KCNH8: variants seen among roughly 807,000 people sequenced by gnomAD.
KCNH8 encodes voltage-gated delayed rectifier potassium channel KCNH8.
Under a neutral mutation model 103.6 loss-of-function variants are expected in KCNH8, and 70 were observed. The ratio of observed to expected loss-of-function variants is 0.68; its 90% CI spans 0.56 to 0.82. The LOEUF (loss-of-function observed/expected upper bound fraction) is 0.82, where lower values mean the gene tolerates loss of function less well. Ranked by LOEUF, KCNH8 falls within the 40% of genes least tolerant of loss-of-function variation. KCNH8 has a pLI of 0.00. For missense variants in KCNH8, 1,217 were observed against 1,329.9 expected (o/e 0.92, Z 1.32); for synonymous variants, 498 against 489.4 (o/e 1.02, Z -0.23).
chr3:19,509,438 A>G (rs1161208990), intron 11 of KCNH8, among the ~76,000 whole-genome samples: 1 of 152,188 alleles, frequency 6.6e-6, no homozygotes, highest in East Asian at 1.9e-4. Flanking sequence ...AAAATGAAAG[A>G]AGTGTATTTG....
chr3:19,305,741 T>C (rs1431118728), intron 3 of KCNH8, among the ~76,000 whole-genome samples: 1 of 152,076 alleles, frequency 6.6e-6, no homozygotes, highest in African/African-American at 2.4e-5. Context: ...CAAAAACTTG[T>C]ATAGAAAACA....
At chr3:19,318,657 GTGTGTA>G (rs1381761558) in intron 3 of KCNH8, among the ~76,000 whole-genome samples, 1 of 96,520 alleles carries the variant, frequency 1.0e-5, no homozygotes, top group African/African-American at 4.4e-5. Flanking sequence ...GTGTGTGTGT[GTGTGTA>G]CACACACACA....
At chr3:19,400,583 G>A (rs757927283) in intron 7 of KCNH8, among the ~76,000 whole-genome samples, 9 of 151,944 alleles carry the variant, frequency 5.9e-5, no homozygotes, top group Non-Finnish European at 8.8e-5. Context: ...TGGAGCAAGC[G>A]TATCCATTGC....
intron 1 of KCNH8, among the ~76,000 whole-genome samples, chr3:19,164,556 G>C (rs897770021): frequency 1.3e-5 from 2 of 152,120 alleles, no homozygotes; most frequent in Non-Finnish European, 2.9e-5. Context: ...TAGTGAAGCT[G>C]GAATCTATAC....
chr3:19,176,342 A>C (rs889057039), intron 1 of KCNH8, among the ~76,000 whole-genome samples: 9 of 152,166 alleles, frequency 5.9e-5, no homozygotes, highest in Non-Finnish European at 1.3e-4. Context: ...ATATTCAGCT[A>C]AACAGTATGA....
At chr3:19,244,857 T>C (rs114812355) in intron 1 of KCNH8, among the ~76,000 whole-genome samples, 2,853 of 152,278 alleles carry the variant, frequency 0.019, 77 homozygotes, top group Non-Finnish European at 0.021. Context: ...ACATAGATTC[T>C]AGATATTAGA....
chr3:19,298,206 A>G (rs1313200833), intron 3 of KCNH8, among the ~76,000 whole-genome samples: 1 of 152,190 alleles, frequency 6.6e-6, no homozygotes, highest in African/African-American at 2.4e-5. Context: ...TACATTGAAA[A>G]CCTTTCTAAG....
intron 11 of KCNH8, among the ~76,000 whole-genome samples, chr3:19,483,207 A>G (rs1480010667): frequency 6.6e-6 from 1 of 152,168 alleles, no homozygotes; most frequent in Non-Finnish European, 1.5e-5. Flanking sequence ...CTCTATGCCC[A>G]CATATCCAGT....
Position 19,533,788 on chromosome 3 carries a change from C to CA in KCNH8, c.3014dup (p.His1005GlnfsTer98). The CA allele has an allele frequency of 6.2e-7, 1 of 1,614,192 alleles. No homozygotes were observed. Among genetic ancestry groups the CA allele is most frequent in the Non-Finnish European group, 8.5e-7 (1 of 1,180,012 alleles). On this transcript the variant is annotated frameshift_variant, in exon 16 of 16. Coordinates refer to ENST00000328405, the MANE Select transcript of KCNH8 (RefSeq NM_144633.3). LOFTEE classifies it high-confidence loss of function. The stretch of plus-strand genomic sequence containing the variant: ...CCACTACCAGGTTGTCCAAGAAGGT[C>CA]ATTTGCAATTTTTAAGGTGCATCTC...
chr3:19,264,174 A>C (rs1414105491), intron 2 of KCNH8, among the ~76,000 whole-genome samples: 1 of 152,072 alleles, frequency 6.6e-6, no homozygotes, highest in South Asian at 2.1e-4. Flanking sequence ...GGTCTTTTGC[A>C]TTCAAGAGGT....
chr3:19,186,039 T>G (rs1449251503), intron 1 of KCNH8, among the ~76,000 whole-genome samples: 1 of 151,832 alleles, frequency 6.6e-6, no homozygotes, highest in African/African-American at 2.4e-5. Context: ...TCATGGAAAA[T>G]AGGGATTTAG....
At chr3:19,438,854 T>C (rs1156590735) in intron 8 of KCNH8, among the ~76,000 whole-genome samples, 1 of 152,196 alleles carries the variant, frequency 6.6e-6, no homozygotes, top group African/African-American at 2.4e-5. Flanking sequence ...TTCAGACTCT[T>C]CACTCAGTTT....
intron 11 of KCNH8, among the ~76,000 whole-genome samples, chr3:19,498,616 C>T (rs964982019): frequency 6.6e-6 from 1 of 152,206 alleles, no homozygotes; most frequent in Non-Finnish European, 1.5e-5. Context: ...TCTTCTGTTG[C>T]TGGTGAGGAA....
chr3:19,164,465 GT>G (rs754402021), intron 1 of KCNH8, among the ~76,000 whole-genome samples: 2 of 152,196 alleles, frequency 1.3e-5, no homozygotes, highest in Non-Finnish European at 2.9e-5. Flanking sequence ...CAAGTTAGAT[GT>G]TTCTGTTCTG....
intron 1 of KCNH8, among the ~76,000 whole-genome samples, chr3:19,198,190 A>T (rs1328255042): frequency 6.6e-6 from 1 of 152,114 alleles, no homozygotes; most frequent in Non-Finnish European, 1.5e-5. Flanking sequence ...AGCATTTAAC[A>T]CCCAGTACAG....
intron 5 of KCNH8, among the ~76,000 whole-genome samples, chr3:19,349,513 A>G (rs1472702051): frequency 1.3e-5 from 2 of 152,122 alleles, no homozygotes; most frequent in Non-Finnish European, 2.9e-5. Flanking sequence ...AATAGATGTA[A>G]GTATCTGCTT....
At chr3:19,473,415 T>C (rs368730073) in intron 11 of KCNH8, among the ~76,000 whole-genome samples, 1 of 152,288 alleles carries the variant, frequency 6.6e-6, no homozygotes, top group East Asian at 1.9e-4. Context: ...TCCCCTTGTA[T>C]TTGTGCTCTT....
chr3:19,480,555 T>A (rs185090281), intron 11 of KCNH8, among the ~76,000 whole-genome samples: 1 of 152,148 alleles, frequency 6.6e-6, no homozygotes, highest in South Asian at 2.1e-4. Flanking sequence ...ATAGCCAAAG[T>A]CAGGTATGAG....
intron 1 of KCNH8, among the ~76,000 whole-genome samples, chr3:19,216,006 A>G (rs1384864218): frequency 2.6e-5 from 4 of 152,244 alleles, no homozygotes; most frequent in African/African-American, 9.6e-5. Flanking sequence ...TGAAAAATTA[A>G]TAGGAATTTA....
Sources: allele counts gnomAD v4.1 joint callset (sites outside exome capture counted in the v4.1 genomes callset), GRCh38; gene constraint gnomAD v4.1.1; transcripts MANE v1.5; gene names NCBI Gene and HGNC (gene_info 2026-07-23, HGNC 2026-07-21).